NEB: variants seen among roughly 807,000 people sequenced by gnomAD.
NEB encodes the protein nebulin.
NEB carries 512 observed loss-of-function variants against 952.2 expected under a neutral mutation model. The ratio of observed to expected loss-of-function variants is 0.54; its 90% CI spans 0.50 to 0.58. NEB has a LOEUF of 0.58. NEB is among the 20% of genes least tolerant of loss of function. The pLI is 0.00. For synonymous variants in NEB, 2,900 were observed against 3,149.8 expected (o/e 0.92, Z 2.66); for missense variants, 8,428 against 9,231.1 (o/e 0.91, Z 3.56).
chr2:151,514,533 G>GT (rs1255755618), intron 158 of NEB, 105 bp from the exon 159 acceptor site: 2 of 896,538 alleles, frequency 2.2e-6, no homozygotes, highest in African/African-American at 3.3e-5. Context: ...AGGGTTCACA[G>GT]TTTAGTAAGT....
At chr2:151,626,533 T>C (rs1006644328) in intron 70 of NEB, among the ~76,000 whole-genome samples, 1 of 152,020 alleles carries the variant, frequency 6.6e-6, no homozygotes, top group Non-Finnish European at 1.5e-5. Flanking sequence ...CCATAATAGC[T>C]GTCCCATTCT....
At chr2:151,500,593 CTTTTTTTTT>C (rs11428843) in intron 168 of NEB, among the ~76,000 whole-genome samples, 2 of 118,458 alleles carry the variant, frequency 1.7e-5, no homozygotes, top group East Asian at 5.0e-4. Flanking sequence ...TTCTTTCTTC[CTTTTTTTTT>C]TTTTTTTTTT....
chr2:151,570,240 C>T lies in NEB; in HGVS notation c.17271G>A (p.Lys5757=). 1 of 1,613,808 alleles carries T rather than the reference C, an allele frequency of 6.2e-7. No individual in the cohort carries two copies. Among genetic ancestry groups the T allele is most frequent in the Non-Finnish European group, 8.5e-7 (1 of 1,179,832 alleles). Residue 5757 remains lysine, a synonymous_variant, in exon 109 of 182, where the codon AAG becomes AAA. Coordinates refer to ENST00000397345, the MANE Select transcript of NEB (RefSeq NM_001164508.2). ...YRLDWAKWKA[K]IQSPVDMLSI... is the part of the protein sequence containing the mutation. ...AAAGCATGTCCACAGGGCTCTGGAT[C>T]TTGGCCTTCCATTTGGCCCAGTCCA...
At chr2:151,692,696 G>A (rs1271706765) in intron 20 of NEB, among the ~76,000 whole-genome samples, 1 of 152,160 alleles carries the variant, frequency 6.6e-6, no homozygotes, top group East Asian at 1.9e-4. Flanking sequence ...TTCGCTAGGT[G>A]CAGGGGCTCA....
At position 151,650,807 on chromosome 2, in the gene NEB, C is replaced by T. The variant is rs1281747723; in HGVS notation, c.6994G>A (p.Val2332Met). 1 of 1,613,826 alleles carries T rather than the reference C, an allele frequency of 6.2e-7. No individual in the cohort carries two copies. The highest frequency in any genetic ancestry group is 1.3e-5 in the African/African-American group (1 of 74,922). Residue 2332 changes from valine (V) to methionine (M), a missense_variant, in exon 53 of 182, where the codon GTG becomes ATG. Val to Met is a conservative substitution (Grantham distance 21). Transcript: ENST00000397345. ...ATTTTGGCTACATTCATGGACAACA[C>T]AAGTTTTGGGTCATCTTGCAGACTC... ...FRSLQDDPKL[V>M]LSMNVAKMQS...
intron 75 of NEB, 132 bp downstream of exon 75, chr2:151,617,232 G>C (rs1405067866): frequency 3.5e-6 from 2 of 565,672 alleles, no homozygotes; most frequent in African/African-American, 3.8e-5. Context: ...AATCAAGTGA[G>C]AACTATCTCT....
chr2:151,540,881 A>G, intron 136 of NEB, 80 bp from the exon 137 acceptor site: 1 of 1,211,074 alleles, frequency 8.3e-7, no homozygotes, highest in Non-Finnish European at 1.2e-6. Flanking sequence ...TTCATTTCTA[A>G]CCATTCAGTG....
chr2:151,678,781 G>A (rs2099392830), intron 32 of NEB, among the ~76,000 whole-genome samples: 1 of 152,096 alleles, frequency 6.6e-6, no homozygotes, highest in South Asian at 2.1e-4. Context: ...AGAGACATGA[G>A]GGAAGGTTCG....
At chr2:151,672,745 T>A in intron 36 of NEB, 65 bp from the exon 37 acceptor site, 2 of 1,380,998 alleles carry the variant, frequency 1.4e-6, no homozygotes, top group Non-Finnish European at 2.0e-6. Flanking sequence ...GCAATTACAT[T>A]CACATATAAA....
chr2:151,517,832 T>G (rs1380574564), intron 156 of NEB, among the ~76,000 whole-genome samples: 3 of 152,216 alleles, frequency 2.0e-5, no homozygotes, highest in African/African-American at 7.2e-5. Context: ...ATTATAATCT[T>G]ATGGGACCAC....
chr2:151,680,986 C>T (rs1471647318), intron 29 of NEB, among the ~76,000 whole-genome samples, 158 bp from the exon 30 acceptor site: 1 of 152,116 alleles, frequency 6.6e-6, no homozygotes, highest in Non-Finnish European at 1.5e-5. Flanking sequence ...GAATGCAATA[C>T]AAAAGTCAAT....
At chr2:151,711,430 G>A (rs891485854) in intron 10 of NEB, among the ~76,000 whole-genome samples, 4 of 152,150 alleles carry the variant, frequency 2.6e-5, no homozygotes, top group Non-Finnish European at 5.9e-5. Flanking sequence ...TACCCTTTAA[G>A]GAAAAAGAAA....
At position 151,490,055 on chromosome 2, in the gene NEB, T is replaced by A; in HGVS notation, c.25320A>T (p.Thr8440=). 1 of 1,610,382 alleles carries A rather than the reference T, an allele frequency of 6.2e-7. No individual in the cohort carries two copies. The highest frequency in any genetic ancestry group is 2.2e-5 in the East Asian group (1 of 44,860). The change falls in exon 181 of 182, where the codon ACA becomes ACT. Residue 8440 remains threonine (T), a synonymous_variant. Transcript: ENST00000397345. Reference sequence around the variant, plus strand: ...AAGATGATCGTTGTTGTGGGAGCTCTGTGGTTTTTGCATGTTTGTAAGCTG... The same window carrying A: ...AAGATGATCGTTGTTGTGGGAGCTCAGTGGTTTTTGCATGTTTGTAAGCTG... ...VSTAYKHAKT[T]ELPQQRSSSV...
intron 142 of NEB, chr2:151,534,171 G>A: frequency 7.2e-7 from 1 of 1,390,952 alleles, no homozygotes; most frequent in Non-Finnish European, 1.0e-6. Context: ...GAGAAACTGG[G>A]AGCACAGTCC....
At chr2:151,508,582 T>C (rs2071237195) in intron 161 of NEB, among the ~76,000 whole-genome samples, 1 of 152,232 alleles carries the variant, frequency 6.6e-6, no homozygotes, top group African/African-American at 2.4e-5. Flanking sequence ...CACTGAGCCA[T>C]GAGCAGGTGC....
intron 77 of NEB, among the ~76,000 whole-genome samples, chr2:151,613,996 C>T (rs1023979658): frequency 1.3e-4 from 20 of 152,300 alleles, no homozygotes; most frequent in Admixed American, 9.2e-4. Flanking sequence ...AGTATTTATG[C>T]TCATCACTTC....
chr2:151,696,648 G>T lies in NEB; in HGVS notation c.1558C>A (p.Gln520Lys), dbSNP rs757999917. Residue 520 changes from glutamine to lysine, a missense_variant, in exon 17 of 182, where the codon CAA (glutamine) becomes AAA (lysine). Gln to Lys is a moderately conservative substitution (Grantham distance 53). Transcript: ENST00000397345. The stretch of plus-strand genomic sequence containing the variant: ...TTAGAGGAACTTACGTCACTCAGTT[G>T]TTTGGAATTGACTTGGGCTTGTAGC... Reference protein sequence around the residue: ...VLLQAQVNSKQLSDLNYKAKH... With the variant: ...VLLQAQVNSKKLSDLNYKAKH... 1.9e-6 allele frequency: 3 copies of T among 1,613,042 alleles called. No individual in the cohort carries two copies. The highest frequency in any genetic ancestry group is 2.5e-6 in the Non-Finnish European group (3 of 1,179,022).
chr2:151,725,627 C>T, intron 5 of NEB, 67 bp from the exon 6 acceptor site: 1 of 1,240,234 alleles, frequency 8.1e-7, no homozygotes, highest in Non-Finnish European at 1.2e-6. Flanking sequence ...ATACTCACCC[C>T]ATTTGATAAA....
chr2:151,706,916 T>C lies in NEB; in HGVS notation c.1117A>G (p.Arg373Gly), dbSNP rs778295273. The C allele has an allele frequency of 1.2e-6, 2 of 1,606,780 alleles. No individual in the cohort carries two copies. The highest frequency in any genetic ancestry group is 3.4e-5 in the Admixed American group (2 of 59,220). Residue 373 changes from arginine to glycine, a missense_variant, in exon 13 of 182, where the codon AGG (arginine) becomes GGG (glycine). By Grantham distance (125) the Arg-to-Gly change is moderately radical (BLOSUM62 -2). Coordinates refer to ENST00000397345, the MANE Select transcript of NEB (RefSeq NM_001164508.2). ...GCATCTCCTGCTGCCTTCAGCTGCC[T>C]AAGCTGTGGGTTCTCTGAAGCAGGA... ...VLPASENPQL[R>G]QLKAAGDALS...
Sources: gnomAD v4.1 joint callset for allele counts (sites outside exome capture counted in the v4.1 genomes callset) on GRCh38, gnomAD v4.1.1 for gene constraint, MANE v1.5 for transcripts, NCBI Gene and HGNC (gene_info 2026-07-23, HGNC 2026-07-21) for gene names.